Variants in CSMD3 observed in about 807,000 individuals in gnomAD.
The protein encoded by CSMD3 is CUB and sushi domain-containing protein 3.
Under a neutral mutation model 435.2 loss-of-function variants are expected in CSMD3, and 177 were observed. The observed-to-expected ratio is 0.41, with a 90% CI of 0.36 to 0.46. The LOEUF is 0.46. CSMD3 is among the 20% of genes least tolerant of loss of function. The pLI is 0.34. For missense variants in CSMD3, 4,265 were observed against 4,504.6 expected, an observed-to-expected ratio of 0.95 and a Z score of 1.52; for synonymous variants, 1,656 against 1,520.5, an observed-to-expected ratio of 1.09 and a Z score of -2.07.
At chr8:113,034,307 T>C (rs2087247462) in intron 5 of CSMD3, among the ~76,000 whole-genome samples, 1 of 137,730 alleles carries the variant, frequency 7.3e-6, no homozygotes, top group Admixed American at 7.1e-5. Context: ...CAATTGTTCA[T>C]CAACTGATGA....
intron 9 of CSMD3, among the ~76,000 whole-genome samples, chr8:112,938,053 A>T (rs1405716636): frequency 1.3e-5 from 2 of 152,138 alleles, no homozygotes. Context: ...GGGGAAAAGC[A>T]CTCAGAATAT....
intron 18 of CSMD3, among the ~76,000 whole-genome samples, chr8:112,654,638 C>G (rs2075212635): frequency 6.6e-6 from 1 of 152,168 alleles, no homozygotes; most frequent in Non-Finnish European, 1.5e-5. Context: ...TATTCCTTAT[C>G]TGACTAGTTT....
intron 32 of CSMD3, among the ~76,000 whole-genome samples, chr8:112,416,149 T>A (rs1811886298): frequency 6.6e-6 from 1 of 152,176 alleles, no homozygotes. Flanking sequence ...GTAGTTCCCA[T>A]AATTTCCATG....
chr8:112,821,578 CT>C (rs775492244), intron 12 of CSMD3, among the ~76,000 whole-genome samples: 2 of 151,830 alleles, frequency 1.3e-5, no homozygotes, highest in Non-Finnish European at 2.9e-5. Flanking sequence ...AGATTGTAAA[CT>C]TTTTTCCCAT....
chr8:113,355,218 G>T (rs1513518), intron 1 of CSMD3, among the ~76,000 whole-genome samples: 138,585 of 152,138 alleles, frequency 0.91, 63,191 homozygotes, highest in East Asian at 1. Context: ...TCCTAATGTG[G>T]GTATATATAT....
intron 3 of CSMD3, among the ~76,000 whole-genome samples, chr8:113,206,503 C>T (rs142522194): frequency 2.1e-4 from 32 of 152,054 alleles, no homozygotes; most frequent in Non-Finnish European, 4.1e-4. Flanking sequence ...TTTTCTGTCT[C>T]GATGATTCCT....
At chr8:112,850,644 C>G (rs2080458265) in intron 11 of CSMD3, among the ~76,000 whole-genome samples, 1 of 152,160 alleles carries the variant, frequency 6.6e-6, no homozygotes, top group Non-Finnish European at 1.5e-5. Context: ...AGAATATTTC[C>G]TCAATTTTTT....
intron 13 of CSMD3, among the ~76,000 whole-genome samples, chr8:112,773,771 A>T (rs1252561236): frequency 6.6e-6 from 1 of 152,008 alleles, no homozygotes; most frequent in Non-Finnish European, 1.5e-5. Flanking sequence ...TTATATTTTA[A>T]TTTTAGAATG....
chr8:113,180,857 C>G (rs907614588), intron 3 of CSMD3, among the ~76,000 whole-genome samples: 1 of 151,904 alleles, frequency 6.6e-6, no homozygotes, highest in Admixed American at 6.6e-5. Context: ...AAGCCATTTC[C>G]TTTCCATAAG....
rs1381559769 is a variant in CSMD3, at chr8:112,263,729, T to C, written c.9772A>G (p.Ile3258Val). The C allele has an allele frequency of 1.2e-6, 2 of 1,613,716 alleles. No homozygotes were observed. Among genetic ancestry groups the C allele is most frequent in the Non-Finnish European group, 1.7e-6 (2 of 1,179,780 alleles). Residue 3258 changes from isoleucine to valine, a missense_variant, in exon 61 of 71, where the codon ATC becomes GTC. Around this residue, in one of 3 missense-constraint regions of CSMD3, gnomAD observed 3,255 missense variants for 3,380.2 expected, o/e 0.96. Transcript: ENST00000297405. ...GATAGCTCATAGCCTGGAGAACAGA[T>C]GTAGCTAATACTAAAGCCCCAGTCG... Reference protein sequence around the residue: ...NFDWGFSISYICSPGYELSFP... With the variant: ...NFDWGFSISYVCSPGYELSFP...
intron 32 of CSMD3, among the ~76,000 whole-genome samples, chr8:112,420,835 T>C (rs779511923): frequency 3.3e-5 from 5 of 152,176 alleles, no homozygotes; most frequent in Non-Finnish European, 5.9e-5. Context: ...TTTGTTTCTC[T>C]CCGCTTTATG....
intron 36 of CSMD3, 107 bp downstream of exon 36, chr8:112,390,557 A>C: frequency 1.1e-6 from 1 of 915,474 alleles, no homozygotes; most frequent in Non-Finnish European, 1.8e-6. Flanking sequence ...CAACCATGTC[A>C]GTCAAAACCA....
chr8:112,507,589 A>G (rs180733603), intron 28 of CSMD3, among the ~76,000 whole-genome samples: 11 of 152,318 alleles, frequency 7.2e-5, no homozygotes, highest in Non-Finnish European at 1.3e-4. Context: ...TAATCAGTAC[A>G]TCGGCATTCT....
chr8:112,937,199 T>C (rs1293072752), intron 9 of CSMD3, among the ~76,000 whole-genome samples: 1 of 152,180 alleles, frequency 6.6e-6, no homozygotes, highest in Non-Finnish European at 1.5e-5. Flanking sequence ...TCTAGTCCTA[T>C]TCTTTCTTCT....
intron 2 of CSMD3, among the ~76,000 whole-genome samples, chr8:113,297,614 G>C (rs1357797869): frequency 1.3e-5 from 2 of 151,900 alleles, no homozygotes. Context: ...AAATATTACA[G>C]AATATTTATA....
chr8:112,234,469 T>C lies in CSMD3; in HGVS notation c.10636A>G (p.Lys3546Glu), dbSNP rs770098594. 1 of 1,587,296 alleles carries C rather than the reference T, an allele frequency of 6.3e-7. No individual in the cohort carries two copies. The highest frequency in any genetic ancestry group is 8.7e-7 in the Non-Finnish European group (1 of 1,155,920). The change falls in exon 68 of 71, where the codon AAA becomes GAA. Residue 3546 changes from lysine to glutamate, a missense_variant. Coordinates refer to ENST00000297405, the MANE Select transcript of CSMD3 (RefSeq NM_198123.2). ...AACATTAGGCGAGCTTCCTGGCTTT[T>C]ATATACCCCTGTAAAATGCAAGGAC... ...NMELLLSGVYKSQEARLMLRI... is the reference protein window; with the variant it reads ...NMELLLSGVYESQEARLMLRI...
chr8:112,472,761 T>C (rs1586438817), intron 31 of CSMD3, 54 bp from the exon 32 acceptor site: 1 of 913,822 alleles, frequency 1.1e-6, no homozygotes, highest in East Asian at 2.4e-5. Flanking sequence ...AAAAAATTCA[T>C]ACCATGGTTA....
At chr8:112,549,881 A>C (rs916962240) in intron 27 of CSMD3, among the ~76,000 whole-genome samples, 7 of 152,052 alleles carry the variant, frequency 4.6e-5, no homozygotes, top group Non-Finnish European at 1.0e-4. Context: ...ACTGGTTTTC[A>C]CTCATAGTTG....
At chr8:112,422,567 A>G (rs1452345274) in intron 32 of CSMD3, among the ~76,000 whole-genome samples, 1 of 152,158 alleles carries the variant, frequency 6.6e-6, no homozygotes, top group Non-Finnish European at 1.5e-5. Context: ...GCCCTTGAAC[A>G]TGCTACTAAA....
Sources: allele counts gnomAD v4.1 joint callset (sites outside exome capture counted in the v4.1 genomes callset), GRCh38; gene constraint gnomAD v4.1.1; regional missense constraint gnomAD v4.1.1; transcripts MANE v1.5; gene names NCBI Gene and HGNC (gene_info 2026-07-23, HGNC 2026-07-21).